The following NRCAM variants were observed in gnomAD, a reference collection of about 807,000 sequenced individuals.
NRCAM encodes the protein NgCAM-related cell adhesion molecule.
NRCAM carries 83 observed loss-of-function variants against 156.5 expected under a neutral mutation model. The observed-to-expected ratio is 0.53, with a 90% confidence interval of 0.44 to 0.64. The LOEUF (loss-of-function observed/expected upper bound fraction) is 0.64. Among genes scored for constraint, NRCAM ranks in the 30% least tolerant of loss-of-function variants. NRCAM has a pLI of 0.00. For missense variants in NRCAM, 1,417 were observed against 1,597.3 expected (o/e 0.89, Z 1.92); for synonymous variants, 538 against 563.9 (o/e 0.95, Z 0.65).
At chr7:108,235,815 C>T (rs917826434) in intron 5 of NRCAM, among the ~76,000 whole-genome samples, 1 of 152,116 alleles carries the variant, frequency 6.6e-6, no homozygotes. Context: ...ACAACAAAGA[C>T]TTATCTGGTC....
intron 11 of NRCAM, among the ~76,000 whole-genome samples, chr7:108,214,903 G>A (rs1384397271): frequency 6.6e-6 from 1 of 152,198 alleles, no homozygotes; most frequent in East Asian, 1.9e-4. Context: ...ATGTAGTTGT[G>A]TGGTTTTGAA....
At chr7:108,187,722 C>T (rs1424911763) in intron 20 of NRCAM, among the ~76,000 whole-genome samples, 5 of 151,850 alleles carry the variant, frequency 3.3e-5, no homozygotes, top group African/African-American at 7.3e-5. Context: ...GAGGCCGAGG[C>T]GGGTGGATCA....
intron 2 of NRCAM, among the ~76,000 whole-genome samples, chr7:108,368,377 G>C (rs1291902737): frequency 6.6e-6 from 1 of 151,978 alleles, no homozygotes; most frequent in Non-Finnish European, 1.5e-5. Flanking sequence ...ATTAAACCTT[G>C]TCAGAAACCA....
chr7:108,151,122 G>C (rs573850963), intron 32 of NRCAM, among the ~76,000 whole-genome samples: 2 of 152,188 alleles, frequency 1.3e-5, no homozygotes, highest in African/African-American at 2.4e-5. Context: ...ATTTCTGGAA[G>C]ACAAAGAGTA....
chr7:108,421,399 T>C (rs1285969865), intron 1 of NRCAM, among the ~76,000 whole-genome samples: 1 of 152,184 alleles, frequency 6.6e-6, no homozygotes, highest in Non-Finnish European at 1.5e-5. Flanking sequence ...TATATTCAAA[T>C]GTTGATAATT....
intron 2 of NRCAM, among the ~76,000 whole-genome samples, chr7:108,394,982 T>C (rs1184414113): frequency 6.6e-6 from 1 of 152,240 alleles, no homozygotes; most frequent in African/African-American, 2.4e-5. Context: ...ATCAAAATTA[T>C]TTATTATTTA....
At chr7:108,349,402 G>A (rs2099395206) in intron 2 of NRCAM, among the ~76,000 whole-genome samples, 1 of 151,892 alleles carries the variant, frequency 6.6e-6, no homozygotes, top group African/African-American at 2.4e-5. Context: ...CCGAGTAGCT[G>A]GGACTACAGG....
intron 2 of NRCAM, among the ~76,000 whole-genome samples, chr7:108,367,207 A>G (rs543105696): frequency 5.3e-5 from 8 of 152,282 alleles, no homozygotes; most frequent in African/African-American, 1.7e-4. Context: ...ATCCAATCAA[A>G]TATTTTGACC....
At chr7:108,226,798 A>G (rs960331265) in intron 8 of NRCAM, among the ~76,000 whole-genome samples, 3 of 152,170 alleles carry the variant, frequency 2.0e-5, no homozygotes, top group African/African-American at 7.2e-5. Context: ...TCTACACACA[A>G]CATTCAGAAA....
At chr7:108,397,405 T>C (rs1049508542) in intron 2 of NRCAM, among the ~76,000 whole-genome samples, 3 of 152,150 alleles carry the variant, frequency 2.0e-5, no homozygotes, top group Admixed American at 2.0e-4. Context: ...GTAAGTATTA[T>C]TTGAAGTTGA....
intron 17 of NRCAM, among the ~76,000 whole-genome samples, chr7:108,193,068 G>A (rs111568758): frequency 4.9e-4 from 75 of 152,200 alleles, no homozygotes; most frequent in African/African-American, 1.6e-3. Context: ...TGTCACCCAG[G>A]CTGGAGTGCA....
intron 1 of NRCAM, among the ~76,000 whole-genome samples, chr7:108,431,974 C>A (rs940710957): frequency 6.6e-5 from 10 of 152,170 alleles, no homozygotes; most frequent in African/African-American, 2.4e-4. Context: ...CTTTGCCCAA[C>A]CTGTCAAAGT....
intron 4 of NRCAM, among the ~76,000 whole-genome samples, chr7:108,239,397 A>T (rs929674594): frequency 6.6e-6 from 1 of 152,138 alleles, no homozygotes; most frequent in African/African-American, 2.4e-5. Flanking sequence ...CTAGTTCTAG[A>T]CTTATATTTA....
At chr7:108,245,749 AG>A (rs1266472223) in intron 3 of NRCAM, among the ~76,000 whole-genome samples, 2 of 152,208 alleles carry the variant, frequency 1.3e-5, no homozygotes, top group Non-Finnish European at 2.9e-5. Flanking sequence ...ATTATTAAAA[AG>A]CTTTTGGGAC....
intron 1 of NRCAM, among the ~76,000 whole-genome samples, chr7:108,441,570 A>G (rs1251111605): frequency 1.3e-5 from 2 of 152,230 alleles, no homozygotes; most frequent in East Asian, 1.9e-4. Flanking sequence ...GTTATATATC[A>G]TAGTAGGATG....
chr7:108,437,783 A>G (rs1183069220), intron 1 of NRCAM, among the ~76,000 whole-genome samples: 4 of 152,174 alleles, frequency 2.6e-5, no homozygotes, highest in African/African-American at 9.6e-5. Context: ...GTATTCATAC[A>G]TATGTAAATG....
rs199991268 is a variant in NRCAM, at chr7:108,180,443, C to T, written c.2647-16G>A. ...AATAGTAAATCTGAAACAGCAAGAA[C>T]GAAAGTCAGGAATGCAGAAAGGAGC... On this transcript the variant is annotated splice_polypyrimidine_tract_variant and intron_variant, in intron 24 of 32. Coordinates refer to ENST00000379028, the MANE Select transcript of NRCAM (RefSeq NM_001037132.4). 1.6e-5 allele frequency: 25 copies of T among 1,604,472 alleles called. No individual in the cohort carries two copies. Among genetic ancestry groups the T allele is most frequent in the African/African-American group, 8.0e-5 (6 of 74,690 alleles).
At chr7:108,437,047 A>AG (rs1309619911) in intron 1 of NRCAM, among the ~76,000 whole-genome samples, 1 of 152,240 alleles carries the variant, frequency 6.6e-6, no homozygotes, top group Non-Finnish European at 1.5e-5. Flanking sequence ...TGGATTAAAA[A>AG]AATGTTGTAC....
intron 2 of NRCAM, among the ~76,000 whole-genome samples, chr7:108,375,907 A>C (rs2099673514): frequency 6.6e-6 from 1 of 152,194 alleles, no homozygotes; most frequent in South Asian, 2.1e-4. Context: ...AAAGAATCTA[A>C]GTTACTGACA....
Sources: gnomAD v4.1 joint callset for allele counts (sites outside exome capture counted in the v4.1 genomes callset) on GRCh38, gnomAD v4.1.1 for gene constraint, MANE v1.5 for transcripts, NCBI Gene and HGNC (gene_info 2026-07-23, HGNC 2026-07-21) for gene names.